Variants in PCDH18 observed in about 807,000 individuals in gnomAD.
PCDH18 encodes protocadherin 18.
Under a neutral mutation model 71.5 loss-of-function variants are expected in PCDH18, and 38 were observed. The observed-to-expected ratio is 0.53, with a 90% CI of 0.41 to 0.70. PCDH18 has a LOEUF of 0.70. PCDH18 is among the 30% of genes least tolerant of loss of function. The pLI is 0.00. For missense variants in PCDH18, 1,334 were observed against 1,384.6 expected, an observed-to-expected ratio of 0.96 and a Z score of 0.58; for synonymous variants, 565 against 505.4, an observed-to-expected ratio of 1.12 and a Z score of -1.58.
chr4:137,525,680 G>T (rs1578742836), intron 3 of PCDH18, among the ~76,000 whole-genome samples: 1 of 152,092 alleles, frequency 6.6e-6, no homozygotes, highest in African/African-American at 2.4e-5. Flanking sequence ...ACTTCCTGGT[G>T]CTCGATACCT....
Position 137,531,246 on chromosome 4 carries a change from A to G in PCDH18, c.843T>C (p.Ile281=), listed in dbSNP as rs534073777. The change falls in exon 1 of 4, where the codon ATT becomes ATC. Residue 281 remains isoleucine, a synonymous_variant. Coordinates refer to ENST00000344876, the MANE Select transcript of PCDH18 (RefSeq NM_019035.5). Reference sequence around the variant, plus strand: ...ACACATGACTGCTGAAGGAATATACAATTTTCCCATTAGCGCCCTCATCTG... The same window carrying G: ...ACACATGACTGCTGAAGGAATATACGATTTTCCCATTAGCGCCCTCATCTG... ...TDPDEGANGK[I]VYSFSSHVSP... is the part of the protein sequence containing the mutation. 6.2e-6 allele frequency: 10 copies of G among 1,613,590 alleles called. No homozygotes were observed. The highest frequency in any genetic ancestry group is 1.7e-4 in the Middle Eastern group (1 of 6,042).
At position 137,530,734 on chromosome 4, in the gene PCDH18, G is replaced by A; in HGVS notation, c.1355C>T (p.Thr452Ile). 4 of 1,613,056 alleles carry A rather than the reference G, an allele frequency of 2.5e-6. No individual in the cohort carries two copies. Among genetic ancestry groups the A allele is most frequent in the Non-Finnish European group, 3.4e-6 (4 of 1,179,228 alleles). ...TPSLSTVKHFTVQINDINDNP... is the reference protein window; with the variant it reads ...TPSLSTVKHFIVQINDINDNP... ...GTCATTGATATCATTGATTTGAACTGTAAAATGTTTCACTGTAGAGAGACT... is the reference window on the plus strand; with the variant it reads ...GTCATTGATATCATTGATTTGAACTATAAAATGTTTCACTGTAGAGAGACT... The change falls in exon 1 of 4, where the codon ACA (threonine) becomes ATA (isoleucine). Residue 452 changes from threonine (T) to isoleucine (I), a missense_variant. This residue lies in a region of PCDH18 where 1,011 missense variants were observed against 1,048.0 expected (regional missense o/e 0.96). Coordinates refer to ENST00000344876, the MANE Select transcript of PCDH18 (RefSeq NM_019035.5).
Position 137,529,898 on chromosome 4 carries a change from T to G in PCDH18, c.2191A>C (p.Thr731Pro). 6 of 1,614,018 alleles carry G rather than the reference T, an allele frequency of 3.7e-6. No individual in the cohort carries two copies. The South Asian group carries it at 5.5e-5, about 15-fold the overall frequency. ...GCCACCCTGCAGTTATAGGATCTAGTGTCTTTCTTCTCGCGGTTACACCTA... is the reference window on the plus strand; with the variant it reads ...GCCACCCTGCAGTTATAGGATCTAGGGTCTTTCTTCTCGCGGTTACACCTA... ...ATRCNREKKD[T>P]RSYNCRVAES... is the part of the protein sequence containing the mutation. Residue 731 changes from threonine (T) to proline (P), a missense_variant, in exon 1 of 4, where the codon ACT becomes CCT. Physicochemically the swap from Thr to Pro is conservative, Grantham distance 38. Coordinates refer to ENST00000344876, the MANE Select transcript of PCDH18 (RefSeq NM_019035.5).
rs967141029 is a variant in PCDH18, at chr4:137,529,629, T to C, written c.2460A>G (p.Glu820=). ...CAACAGCAGGAGTGGCGTGGGTGAG[T>C]TCTAATGAGAAATTCTCTGGCACGT... ...SNHVPENFSL[E]LTHATPAVEQ... The change falls in exon 1 of 4, where the codon GAA becomes GAG. Residue 820 remains glutamate, a synonymous_variant. Coordinates refer to ENST00000344876, the MANE Select transcript of PCDH18 (RefSeq NM_019035.5). The C allele has an allele frequency of 1.9e-6, 3 of 1,609,012 alleles. No homozygotes were observed. Among genetic ancestry groups the C allele is most frequent in the African/African-American group, 2.7e-5 (2 of 74,738 alleles).
Position 137,521,536 on chromosome 4 carries a change from A to G in PCDH18, c.2901T>C (p.Leu967=), listed in dbSNP as rs368173531. 2.0e-5 allele frequency: 32 copies of G among 1,613,952 alleles called. No individual in the cohort carries two copies. Among genetic ancestry groups the G allele is most frequent in the Non-Finnish European group, 1.7e-6 (2 of 1,180,034 alleles). Residue 967 remains leucine, a synonymous_variant, in exon 4 of 4, where the codon CTT becomes CTC. Transcript: ENST00000344876. ...QPQQQHPHQS[L]EDDAQPADSG... is the part of the protein sequence containing the mutation. ...AATCTGCAGGCTGAGCGTCATCCTC[A>G]AGACTCTGATGTGGATGCTGCTGCT...
rs745687480 is a variant in PCDH18 at position 137,521,290 on chromosome 4, G to C, written c.3147C>G (p.Tyr1049Ter). 1 of 1,614,164 alleles carries C rather than the reference G, an allele frequency of 6.2e-7. No homozygotes were observed. Among genetic ancestry groups the C allele is most frequent in the Non-Finnish European group, 8.5e-7 (1 of 1,180,026 alleles). ...CTGCCCATGCCGCTACCCCCTGTGG[G>C]TAACCCACAGTTTTGGCTGGCAAGG... ...KGPLPAKTVG[Y>*]PQGVAAWAAS... is the part of the protein sequence containing the mutation. Residue 1049 changes from tyrosine to a stop codon, truncating the protein, a stop_gained, in exon 4 of 4, where the codon TAC becomes TAG. Coordinates refer to ENST00000344876, the MANE Select transcript of PCDH18 (RefSeq NM_019035.5). LOFTEE classifies it high-confidence loss of function.
At position 137,521,163 on chromosome 4, in the gene PCDH18, T is replaced by A; in HGVS notation, c.3274A>T (p.Ile1092Phe). ...TCATCTTCCTCATAATTTTCAGGGA[T>A]CTCCTCCATGGCTGGCAGCCATTTT... Reference protein sequence around the residue: ...SSKWLPAMEEIPENYEEDDFD... With the variant: ...SSKWLPAMEEFPENYEEDDFD... The change falls in exon 4 of 4, where the codon ATC (isoleucine) becomes TTC (phenylalanine). Residue 1092 changes from isoleucine to phenylalanine, a missense_variant. Ile to Phe is a conservative substitution (Grantham distance 21). Around this residue, in one of 3 missense-constraint regions of PCDH18, gnomAD observed 319 missense variants for 316.3 expected, o/e 1.01. Coordinates refer to ENST00000344876, the MANE Select transcript of PCDH18 (RefSeq NM_019035.5). 6.2e-7 allele frequency: 1 copy of A among 1,614,162 alleles called. No individual in the cohort carries two copies. The highest frequency in any genetic ancestry group is 8.5e-7 in the Non-Finnish European group (1 of 1,180,008).
rs1160844305 is a variant in PCDH18 at position 137,525,846 on chromosome 4, AT to A, written c.2740+2631del. 6.6e-5 allele frequency among the ~76,000 whole-genome samples: 10 copies of A among 152,124 alleles called. No homozygotes were observed. In the South Asian group the frequency reaches 1.7e-3, roughly 25 times the overall value. On this transcript the variant is annotated intron_variant, in intron 3 of 3. Transcript: ENST00000344876. ...TTAAGTGTGATTGTGCAAATATGAGATTTTTTTTTAAAAATTGTCTCATGTT... is the reference window on the plus strand; with the variant it reads ...TTAAGTGTGATTGTGCAAATATGAGATTTTTTTTAAAAATTGTCTCATGTT...
Position 137,532,034 on chromosome 4 carries a change from C to T in PCDH18, c.55G>A (p.Val19Ile). ...CCCAGTACATCGTGGTTGAAAGATA[C>T]TATCAGAAGTGCAAAAACAAACCTA... ...HFRFVFALLI[V>I]SFNHDVLGKN... Residue 19 changes from valine (V) to isoleucine (I), a missense_variant, in exon 1 of 4, where the codon GTA becomes ATA. Physicochemically the swap from Val to Ile is conservative, Grantham distance 29. Around this residue, in one of 3 missense-constraint regions of PCDH18, gnomAD observed 1,011 missense variants for 1,048.0 expected, o/e 0.96. Transcript: ENST00000344876. 6.2e-7 allele frequency: 1 copy of T among 1,613,048 alleles called. No homozygotes were observed. Among genetic ancestry groups the T allele is most frequent in the Non-Finnish European group, 8.5e-7 (1 of 1,179,586 alleles).
At chr4:137,525,385 A>G (rs932032461) in intron 3 of PCDH18, among the ~76,000 whole-genome samples, 1 of 152,170 alleles carries the variant, frequency 6.6e-6, no homozygotes, top group African/African-American at 2.4e-5. Context: ...CTTTAGTCCT[A>G]GAAATATAAA....
In PCDH18 at chr4:137,525,511, A is replaced by G. The variant is rs1352213509; in HGVS notation, c.2740+2967T>C. ...TTACAAAACACAAGTTTTACACCCT[A>G]TTATGCCTCCAGAAGTTGCTGGGGT... On this transcript the variant is annotated intron_variant, in intron 3 of 3. Coordinates refer to ENST00000344876, the MANE Select transcript of PCDH18 (RefSeq NM_019035.5). 2.0e-5 allele frequency among the ~76,000 whole-genome samples: 3 copies of G among 152,134 alleles called. No homozygotes were observed. The East Asian group carries it at 5.8e-4, about 29-fold the overall frequency.
Position 137,528,799 on chromosome 4 carries a change from T to C in PCDH18, c.2509A>G (p.Met837Val), listed in dbSNP as rs764426865. 1.2e-5 allele frequency: 20 copies of C among 1,613,320 alleles called. No homozygotes were observed. The highest frequency in any genetic ancestry group is 2.2e-5 in the South Asian group (2 of 91,078). ...AVEQVSQLLS[M>V]LHQGQYQPRP... ...GGCTGATATTGCCCCTGGTGAAGCA[T>C]TGAAAGAAGCTGAGAGACCTGCTGG... Residue 837 changes from methionine to valine, a missense_variant, in exon 2 of 4, where the codon ATG becomes GTG. Coordinates refer to ENST00000344876, the MANE Select transcript of PCDH18 (RefSeq NM_019035.5).
In PCDH18 at chr4:137,531,014, T is replaced by C. The variant is rs768739050; in HGVS notation, c.1075A>G (p.Met359Val). 1.9e-5 allele frequency: 30 copies of C among 1,610,462 alleles called. No homozygotes were observed. Among genetic ancestry groups the C allele is most frequent in the Non-Finnish European group, 2.5e-5 (29 of 1,178,190 alleles). The change falls in exon 1 of 4, where the codon ATG (methionine) becomes GTG (valine). Residue 359 changes from methionine (M) to valine (V), a missense_variant. Met to Val is a conservative substitution (Grantham distance 21). This residue lies in a region of PCDH18 where 1,011 missense variants were observed against 1,048.0 expected (regional missense o/e 0.96). Transcript: ENST00000344876. Reference protein sequence around the residue: ...DNKPEININLMSPGKEEISYI... With the variant: ...DNKPEININLVSPGKEEISYI... ...GATATTTCTTCTTTTCCAGGGGACA[T>C]GAGGTTGATGTTAATTTCAGGTTTA...
In PCDH18 at chr4:137,526,932, C is replaced by A. The variant is rs184118475; in HGVS notation, c.2740+1546G>T. Among the ~76,000 whole-genome samples the A allele has an allele frequency of 6.1e-5, 9 of 148,732 alleles. No homozygotes were observed. In the East Asian group the frequency reaches 1.2e-3, roughly 20 times the overall value. On this transcript the variant is annotated intron_variant, in intron 3 of 3. Transcript: ENST00000344876. ...CCTGATTTGAGATGCATTTTCTAACCTTTATAACTTTCAGTTTCCAAATCT... is the reference window on the plus strand; with the variant it reads ...CCTGATTTGAGATGCATTTTCTAACATTTATAACTTTCAGTTTCCAAATCT...
Position 137,519,268 on chromosome 4 carries a change from G to A in PCDH18, c.*1761C>T, listed in dbSNP as rs969275150. On this transcript the variant is annotated 3_prime_UTR_variant, in exon 4 of 4. Transcript: ENST00000344876. The stretch of plus-strand genomic sequence containing the variant: ...ATATCTGAATTTTAGTCACTTTTCA[G>A]TTACTTAACTTTCCCAGTGTTTCAA... The A allele has an allele frequency of 1.3e-5, 2 of 152,154 alleles. No homozygotes were observed. Among genetic ancestry groups the A allele is most frequent in the South Asian group, 2.1e-4 (1 of 4,830 alleles). The allele number at this position is 152,154 out of a possible 1,614,324, so 9.4% of individuals were successfully genotyped here. A position where few individuals can be genotyped will look rare whatever the true frequency, so the allele number is the denominator to read the frequency against.
rs766724356 is a variant in PCDH18, at chr4:137,521,322, T to C, written c.3115A>G (p.Lys1039Glu). The C allele has an allele frequency of 5.0e-6, 8 of 1,614,172 alleles. No individual in the cohort carries two copies. The highest frequency in any genetic ancestry group is 2.7e-5 in the African/African-American group (2 of 75,042). ...ACAGTTTTGGCTGGCAAGGGTCCCTTCCTGCGCTCCAGGGAGTTGGACCGA... is the reference window on the plus strand; with the variant it reads ...ACAGTTTTGGCTGGCAAGGGTCCCTCCCTGCGCTCCAGGGAGTTGGACCGA... ...VDRSNSLERRKGPLPAKTVGY... is the reference protein window; with the variant it reads ...VDRSNSLERREGPLPAKTVGY... Residue 1039 changes from lysine (K) to glutamate (E), a missense_variant, in exon 4 of 4, where the codon AAG becomes GAG. Coordinates refer to ENST00000344876, the MANE Select transcript of PCDH18 (RefSeq NM_019035.5).
In PCDH18 at chr4:137,521,691, T is replaced by C; in HGVS notation, c.2746A>G (p.Arg916Gly). ...ACCCTGCACTCCTCCGTGCAGAGTCTCATAGCTGCACTCAAGAAAAACAGT... is the reference window on the plus strand; with the variant it reads ...ACCCTGCACTCCTCCGTGCAGAGTCCCATAGCTGCACTCAAGAAAAACAGT... ...LTDGRIPAAM[R>G]LCTEECRVLG... The change falls in exon 4 of 4, where the codon AGA becomes GGA. Residue 916 changes from arginine (R) to glycine (G), a missense_variant. Physicochemically the swap from Arg to Gly is moderately radical, Grantham distance 125 (BLOSUM62 -2). This residue lies in a region of PCDH18 where 319 missense variants were observed against 316.3 expected (regional missense o/e 1.01). Transcript: ENST00000344876. 6.3e-7 allele frequency: 1 copy of C among 1,595,916 alleles called. No homozygotes were observed. Among genetic ancestry groups the C allele is most frequent in the Non-Finnish European group, 8.5e-7 (1 of 1,170,894 alleles).
chr4:137,531,356 C>T lies in PCDH18; in HGVS notation c.733G>A (p.Ala245Thr), dbSNP rs781444337. The T allele has an allele frequency of 1.2e-6, 2 of 1,613,670 alleles. 1 individual carries two copies. The highest frequency in any genetic ancestry group is 4.5e-5 in the East Asian group (2 of 44,872). Residue 245 changes from alanine to threonine, a missense_variant, in exon 1 of 4, where the codon GCT becomes ACT. Ala to Thr is a moderately conservative substitution (Grantham distance 58). Around this residue, in one of 3 missense-constraint regions of PCDH18, gnomAD observed 1,011 missense variants for 1,048.0 expected, o/e 0.96. Transcript: ENST00000344876. Reference protein sequence around the residue: ...SISDSNDNSPAFEQQSYIIQL... With the variant: ...SISDSNDNSPTFEQQSYIIQL... Reference sequence around the variant, plus strand: ...ATTATATAAGATTGCTGCTCAAAAGCAGGGCTGTTGTCATTGGAGTCTGAA... The same window carrying T: ...ATTATATAAGATTGCTGCTCAAAAGTAGGGCTGTTGTCATTGGAGTCTGAA...
Position 137,520,584 on chromosome 4 carries a change from T to C in PCDH18, c.*445A>G, listed in dbSNP as rs1578736811. ...ATGATTCTTAATTTCTAAAAAGTTA[T>C]TGAAAAAAAGTGGGATCACTTAATG... On this transcript the variant is annotated 3_prime_UTR_variant, in exon 4 of 4. Coordinates refer to ENST00000344876, the MANE Select transcript of PCDH18 (RefSeq NM_019035.5). 2 of 153,528 alleles carry C rather than the reference T, an allele frequency of 1.3e-5. No individual in the cohort carries two copies. The highest frequency in any genetic ancestry group is 1.9e-4 in the East Asian group (1 of 5,190). The allele number at this position is 153,528 out of a possible 1,614,324, so 9.5% of individuals were successfully genotyped here. A position where few individuals can be genotyped will look rare whatever the true frequency, so the allele number is the denominator to read the frequency against.
Sources: gnomAD v4.1 joint callset for allele counts (sites outside exome capture counted in the v4.1 genomes callset) on GRCh38, gnomAD v4.1.1 for gene constraint, gnomAD v4.1.1 regional missense constraint, MANE v1.5 for transcripts, NCBI Gene and HGNC (gene_info 2026-07-23, HGNC 2026-07-21) for gene names.